The following SRGAP1 variants were observed in gnomAD, a reference collection of about 807,000 sequenced individuals.
SRGAP1 encodes SLIT-ROBO Rho GTPase-activating protein 1.
Under a neutral mutation model 121.9 loss-of-function variants are expected in SRGAP1, and 43 were observed. The ratio of observed to expected loss-of-function variants is 0.35; its 90% CI spans 0.28 to 0.46. The LOEUF (loss-of-function observed/expected upper bound fraction) is 0.46. SRGAP1 is among the 20% of genes least tolerant of loss of function. The pLI is 1.00. For synonymous variants in SRGAP1, 447 were observed against 485.4 expected, an observed-to-expected ratio of 0.92 and a Z score of 1.04; for missense variants, 1,102 against 1,350.9, an observed-to-expected ratio of 0.82 and a Z score of 2.89.
Position 63,844,820 on chromosome 12 carries a change from T to G in SRGAP1, c.4T>G (p.Ser2Ala). The stretch of plus-strand genomic sequence containing the variant: ...GCAAACCCGGAACAGCTGGATAATG[T>G]CCACCCCGAGCCGATTCAAGAAGGA... The part of the protein sequence containing the change: M[S>A]TPSRFKKDKE... The change falls in exon 1 of 22, where the codon TCC becomes GCC. Residue 2 changes from serine (S) to alanine (A), a missense_variant. Coordinates refer to ENST00000355086, the MANE Select transcript of SRGAP1 (RefSeq NM_020762.4). This position sits in a 1 kb window ranked among gnomAD's most constrained non-coding sequence, Gnocchi z 4.3. The G allele has an allele frequency of 6.2e-7, 1 of 1,614,120 alleles. No individual in the cohort carries two copies. The highest frequency in any genetic ancestry group is 1.3e-5 in the African/African-American group (1 of 75,032).
At chr12:63,947,934 C>T (rs2032101451) in intron 1 of SRGAP1, among the ~76,000 whole-genome samples, 1 of 152,042 alleles carries the variant, frequency 6.6e-6, no homozygotes, top group Non-Finnish European at 1.5e-5. Flanking sequence ...TCATACATCC[C>T]CATCATCACA....
chr12:63,918,419 G>T (rs2136324214), intron 1 of SRGAP1, among the ~76,000 whole-genome samples: 1 of 152,184 alleles, frequency 6.6e-6, no homozygotes, highest in East Asian at 1.9e-4. Context: ...ATGCTCTATT[G>T]CTTTCTCTCT....
At chr12:64,123,125 TG>T (rs151079716) in intron 18 of SRGAP1, among the ~76,000 whole-genome samples, 3,035 of 152,334 alleles carry the variant, frequency 0.02, 117 homozygotes, top group African/African-American at 0.069. Context: ...TTTTAATTTT[TG>T]TAAGTAAAGC....
At position 63,971,396 on chromosome 12, in the gene SRGAP1, A is replaced by G. The variant is rs1255437271; in HGVS notation, c.68-12551A>G. The stretch of plus-strand genomic sequence containing the variant: ...AGAGCCCACTACCTGGAAGATGCTC[A>G]GTAATGTTTGTCAGATGAGTACGTA... On this transcript the variant is annotated intron_variant, in intron 1 of 21. Transcript: ENST00000355086. Among the ~76,000 whole-genome samples, 3 of 152,254 alleles carry G rather than the reference A, an allele frequency of 2.0e-5. No homozygotes were observed. In the East Asian group the frequency reaches 5.8e-4, roughly 29 times the overall value.
intron 1 of SRGAP1, among the ~76,000 whole-genome samples, chr12:63,917,034 A>G (rs1390641274): frequency 3.9e-5 from 6 of 152,150 alleles, no homozygotes; most frequent in Non-Finnish European, 7.4e-5. Flanking sequence ...GTCAGATTGC[A>G]TATAGATTTC....
chr12:64,017,105 G>A (rs367676178), intron 4 of SRGAP1, 93 bp downstream of exon 4: 2 of 710,998 alleles, frequency 2.8e-6, no homozygotes, highest in East Asian at 2.7e-5. Context: ...TTCCAAGCCA[G>A]AGTGACAATG....
In SRGAP1 at chr12:64,142,417, C is replaced by T. The variant is rs2036980199; in HGVS notation, c.3003C>T (p.Thr1001=). 1.2e-6 allele frequency: 2 copies of T among 1,614,090 alleles called. No homozygotes were observed. Among genetic ancestry groups the T allele is most frequent in the Non-Finnish European group, 8.5e-7 (1 of 1,180,030 alleles). Residue 1001 remains threonine, a synonymous_variant, in exon 22 of 22, where the codon ACC becomes ACT. Coordinates refer to ENST00000355086, the MANE Select transcript of SRGAP1 (RefSeq NM_020762.4). ...DTLEQVKNSP[T]PATSTESLSP... The stretch of plus-strand genomic sequence containing the variant: ...TGGAGCAAGTGAAAAACTCTCCCAC[C>T]CCTGCCACTTCCACGGAATCTCTCA...
chr12:64,113,296 T>C (rs1054232136), intron 17 of SRGAP1, among the ~76,000 whole-genome samples: 1 of 151,984 alleles, frequency 6.6e-6, no homozygotes, highest in African/African-American at 2.4e-5. Flanking sequence ...TAGTCCCAGC[T>C]ACTCCGGAGG....
chr12:64,054,731 AG>A (rs2035306578), intron 6 of SRGAP1, among the ~76,000 whole-genome samples: 1 of 148,798 alleles, frequency 6.7e-6, no homozygotes, highest in Non-Finnish European at 1.5e-5. Flanking sequence ...TTTTGTTTTA[AG>A]TTTTTTTTTC....
chr12:63,910,436 A>G lies in SRGAP1; in HGVS notation c.67+65553A>G, dbSNP rs1409579551. Among the ~76,000 whole-genome samples the G allele has an allele frequency of 2.0e-5, 3 of 152,318 alleles. No homozygotes were observed. In the East Asian group the frequency reaches 5.8e-4, roughly 29 times the overall value. On this transcript the variant is annotated intron_variant, in intron 1 of 21. Coordinates refer to ENST00000355086, the MANE Select transcript of SRGAP1 (RefSeq NM_020762.4). ...AATCTGCTATTGTCTTTAGCTGACT[A>G]TCCTTCCAACCGTACTTAACTATTA...
rs910034948 is a variant in SRGAP1, at chr12:64,104,756, G to A, written c.1814-4176G>A. 3.3e-5 allele frequency among the ~76,000 whole-genome samples: 5 copies of A among 152,104 alleles called. 1 individual carries two copies. In the South Asian group the frequency reaches 8.3e-4, roughly 25 times the overall value. ...GCAGTTCTGTTTTGCTTTGATTTGTGTTGACTGTAGTTAAAGAGAATGTAC... is the reference window on the plus strand; with the variant it reads ...GCAGTTCTGTTTTGCTTTGATTTGTATTGACTGTAGTTAAAGAGAATGTAC... On this transcript the variant is annotated intron_variant, in intron 15 of 21. Transcript: ENST00000355086.
intron 1 of SRGAP1, among the ~76,000 whole-genome samples, chr12:63,913,115 A>G (rs1164903748): frequency 2.2e-5 from 3 of 136,416 alleles, no homozygotes; most frequent in Non-Finnish European, 3.1e-5. Flanking sequence ...TGCTTTTCCT[A>G]CCTCCCATGT....
intron 1 of SRGAP1, among the ~76,000 whole-genome samples, chr12:63,916,045 T>G (rs1277093214): frequency 6.7e-6 from 1 of 148,780 alleles, no homozygotes. Flanking sequence ...TTTTTTTTTT[T>G]TTTTTGAGAT....
chr12:64,092,438 C>T (rs1358615743), intron 12 of SRGAP1, among the ~76,000 whole-genome samples: 2 of 151,900 alleles, frequency 1.3e-5, no homozygotes, highest in African/African-American at 4.8e-5. Context: ...AATAAATGTG[C>T]ATGTGGCATG....
chr12:63,979,300 A>C (rs560808575), intron 1 of SRGAP1, among the ~76,000 whole-genome samples: 1 of 152,154 alleles, frequency 6.6e-6, no homozygotes, highest in Admixed American at 6.5e-5. Context: ...GGCCTCCCAA[A>C]GTGCTGGGAT....
rs768422920 is a variant in SRGAP1 at position 64,144,044 on chromosome 12, C to G, written c.*1372C>G. The G allele has an allele frequency of 6.6e-6, 1 of 152,174 alleles. No individual in the cohort carries two copies. Among genetic ancestry groups the G allele is most frequent in the Non-Finnish European group, 1.5e-5 (1 of 68,038 alleles). The allele number at this position is 152,174 out of a possible 1,614,324, so 9.4% of individuals were successfully genotyped here. On this transcript the variant is annotated 3_prime_UTR_variant, in exon 22 of 22. Coordinates refer to ENST00000355086, the MANE Select transcript of SRGAP1 (RefSeq NM_020762.4). ...TAACTCCCATAGTCAGCTGAACTCT[C>G]AATTGGAGACCCTCTTTCTCTGGCA...
At chr12:63,845,896 A>G (rs1898887910) in intron 1 of SRGAP1, among the ~76,000 whole-genome samples, 1 of 152,200 alleles carries the variant, frequency 6.6e-6, no homozygotes. Context: ...CAGTCTTATG[A>G]AAGGGCTACG....
chr12:64,072,746 A>C lies in SRGAP1; in HGVS notation c.1126-6173A>C, dbSNP rs563091342. Among the ~76,000 whole-genome samples the C allele has an allele frequency of 3.3e-5, 5 of 152,342 alleles. No homozygotes were observed. The South Asian group carries it at 1.0e-3, about 32-fold the overall frequency. ...TACATTTCTGTTGTTTAAGCCACTC[A>C]GTACCTGGTTTGCCTTAGCAGGCTA... On this transcript the variant is annotated intron_variant, in intron 8 of 21. Coordinates refer to ENST00000355086, the MANE Select transcript of SRGAP1 (RefSeq NM_020762.4).
At position 64,157,164 on chromosome 12, in the gene SRGAP1, C is replaced by T. The variant is rs895766348; in HGVS notation, c.*14492C>T. ...CACTGTAACAAAGGGATGTGTCTAC[C>T]TCTAAATTCATCATTTACTGAACAA... On this transcript the variant is annotated 3_prime_UTR_variant, in exon 22 of 22. Transcript: ENST00000355086. 6.6e-6 allele frequency: 1 copy of T among 152,234 alleles called. No homozygotes were observed. Among genetic ancestry groups the T allele is most frequent in the Non-Finnish European group, 1.5e-5 (1 of 68,060 alleles). The allele number at this position is 152,234 out of a possible 1,614,324, so 9.4% of individuals were successfully genotyped here.
Sources: gnomAD v4.1 joint callset for allele counts (sites outside exome capture counted in the v4.1 genomes callset) on GRCh38, gnomAD v4.1.1 for gene constraint, Gnocchi (gnomAD v3.1) non-coding constraint, MANE v1.5 for transcripts, NCBI Gene and HGNC (gene_info 2026-07-23, HGNC 2026-07-21) for gene names.